The following KCNQ3 variants were observed in gnomAD, a reference collection of about 807,000 sequenced individuals.
KCNQ3 encodes potassium voltage-gated channel subfamily Q member 3.
In KCNQ3, 30 loss-of-function variants were observed where a neutral mutation model predicts 92.5. That is an observed-to-expected ratio of 0.32 (90% CI 0.24 to 0.44). KCNQ3 has a LOEUF of 0.44. Ranked by LOEUF, KCNQ3 falls within the 20% of genes least tolerant of loss-of-function variation. KCNQ3 has a pLI of 1.00. For synonymous variants in KCNQ3, 450 were observed against 468.8 expected (o/e 0.96, Z 0.52); for missense variants, 913 against 1,140.3 (o/e 0.80, Z 2.87).
intron 12 of KCNQ3, among the ~76,000 whole-genome samples, chr8:132,135,348 T>C (rs1213663315): frequency 6.6e-6 from 1 of 152,072 alleles, no homozygotes; most frequent in Admixed American, 6.5e-5. Flanking sequence ...ACGCTGTAGG[T>C]TGGGACGGGG....
chr8:132,175,720 G>T, intron 4 of KCNQ3, 112 bp from the exon 5 acceptor site: 1 of 949,974 alleles, frequency 1.1e-6, no homozygotes, highest in Non-Finnish European at 1.7e-6. Flanking sequence ...TGTGACTGTG[G>T]TCAAATCACT....
intron 1 of KCNQ3, among the ~76,000 whole-genome samples, chr8:132,474,911 A>G (rs1265558561): frequency 6.6e-6 from 1 of 152,152 alleles, no homozygotes; most frequent in Admixed American, 6.5e-5. Flanking sequence ...TCCAAAACTC[A>G]TCTCAAATTG....
At chr8:132,266,413 G>T (rs970690248) in intron 1 of KCNQ3, among the ~76,000 whole-genome samples, 1 of 152,184 alleles carries the variant, frequency 6.6e-6, no homozygotes, top group Admixed American at 6.5e-5. Flanking sequence ...CTCTGTAAAC[G>T]AGATATTATA....
intron 1 of KCNQ3, among the ~76,000 whole-genome samples, chr8:132,429,255 C>T (rs1480487303): frequency 2.0e-5 from 3 of 152,154 alleles, no homozygotes; most frequent in African/African-American, 7.2e-5. Context: ...TCATTGCAGG[C>T]TTAACAGCTA....
chr8:132,479,350 G>A (rs6991292), intron 1 of KCNQ3, among the ~76,000 whole-genome samples: 4 of 151,856 alleles, frequency 2.6e-5, no homozygotes, highest in Non-Finnish European at 5.9e-5. Flanking sequence ...GGTGCCCTAG[G>A]CCAGCCAAAG....
chr8:132,304,696 T>C (rs6471056), intron 1 of KCNQ3, among the ~76,000 whole-genome samples: 117,556 of 151,838 alleles, frequency 0.77, 45,966 homozygotes, highest in East Asian at 0.89. Context: ...TTTTCATCAT[T>C]GCAGAAGTTT....
intron 1 of KCNQ3, among the ~76,000 whole-genome samples, chr8:132,443,228 A>G: frequency 6.6e-6 from 1 of 152,070 alleles, no homozygotes; most frequent in East Asian, 1.9e-4. Flanking sequence ...ACCCCCACCT[A>G]TGGGAATCAC....
chr8:132,418,045 G>A (rs1418012911), intron 1 of KCNQ3, among the ~76,000 whole-genome samples: 4 of 152,082 alleles, frequency 2.6e-5, no homozygotes, highest in Admixed American at 6.5e-5. Context: ...TTCCAGAGGA[G>A]ATTTCCTGAG....
intron 1 of KCNQ3, among the ~76,000 whole-genome samples, chr8:132,389,039 A>G (rs1819978286): frequency 6.6e-6 from 1 of 152,262 alleles, no homozygotes; most frequent in African/African-American, 2.4e-5. Flanking sequence ...TACAAAAATA[A>G]ATTCCAGTTT....
At chr8:132,377,880 A>G (rs973126658) in intron 1 of KCNQ3, among the ~76,000 whole-genome samples, 4 of 152,182 alleles carry the variant, frequency 2.6e-5, no homozygotes, top group Non-Finnish European at 5.9e-5. Context: ...GAGCATTTGG[A>G]ACTCAAGAAA....
At chr8:132,412,265 C>T (rs1820670874) in intron 1 of KCNQ3, among the ~76,000 whole-genome samples, 1 of 152,068 alleles carries the variant, frequency 6.6e-6, no homozygotes, top group Admixed American at 6.6e-5. Flanking sequence ...CTTTGTAGCT[C>T]CCCCCACCCG....
At chr8:132,210,239 A>G (rs779277259) in intron 1 of KCNQ3, among the ~76,000 whole-genome samples, 1 of 151,942 alleles carries the variant, frequency 6.6e-6, no homozygotes, top group Non-Finnish European at 1.5e-5. Context: ...GTTAAAAGTC[A>G]CTCTCCAGAA....
At chr8:132,268,589 A>G (rs62520365) in intron 1 of KCNQ3, among the ~76,000 whole-genome samples, 49 of 152,234 alleles carry the variant, frequency 3.2e-4, no homozygotes, top group Non-Finnish European at 6.5e-4. Flanking sequence ...AATTAGTAGT[A>G]CATTGTCTGA....
chr8:132,447,128 TC>T (rs1316806100), intron 1 of KCNQ3: 12 of 1,324,228 alleles, frequency 9.1e-6, no homozygotes, highest in Admixed American at 5.9e-5. Context: ...TCTTTCCCTC[TC>T]CCCCTGGGAC....
At chr8:132,258,816 G>A (rs1815678909) in intron 1 of KCNQ3, among the ~76,000 whole-genome samples, 1 of 151,978 alleles carries the variant, frequency 6.6e-6, no homozygotes, top group South Asian at 2.1e-4. Context: ...GAATGAAATA[G>A]AGAACATTAC....
intron 1 of KCNQ3, among the ~76,000 whole-genome samples, chr8:132,394,140 C>G (rs570764007): frequency 5.7e-4 from 87 of 152,288 alleles, no homozygotes; most frequent in African/African-American, 1.9e-3. Context: ...GGAGGAAGGG[C>G]AAGAAGCGCA....
intron 12 of KCNQ3, among the ~76,000 whole-genome samples, chr8:132,137,332 G>A (rs890515603): frequency 6.6e-6 from 1 of 152,162 alleles, no homozygotes. Flanking sequence ...TAGGTCCTCT[G>A]TCCTTTCAGC....
intron 14 of KCNQ3, among the ~76,000 whole-genome samples, chr8:132,130,445 A>G (rs2130925454): frequency 6.6e-6 from 1 of 152,352 alleles, no homozygotes. Context: ...TCTTAATAAT[A>G]GAAACAGCTA....
chr8:132,278,820 T>C (rs772158474), intron 1 of KCNQ3, among the ~76,000 whole-genome samples: 17 of 152,178 alleles, frequency 1.1e-4, no homozygotes, highest in Admixed American at 5.2e-4. Flanking sequence ...TCCTTAAGAA[T>C]TGGAGTGTTC....
Sources: allele counts gnomAD v4.1 joint callset (sites outside exome capture counted in the v4.1 genomes callset), GRCh38; gene constraint gnomAD v4.1.1; transcripts MANE v1.5; gene names NCBI Gene and HGNC (gene_info 2026-07-23, HGNC 2026-07-21).